ABL2: variants seen among roughly 807,000 people sequenced by gnomAD.
The protein encoded by ABL2 is ABL proto-oncogene 2, non-receptor tyrosine kinase, also known as tyrosine-protein kinase ABL2.
Under a neutral mutation model 107.7 loss-of-function variants are expected in ABL2, and 49 were observed. The ratio of observed to expected loss-of-function variants is 0.45; its 90% confidence interval spans 0.36 to 0.58. The LOEUF (loss-of-function observed/expected upper bound fraction) is 0.58, where lower values mean the gene tolerates loss of function less well. Ranked by LOEUF, ABL2 falls within the 20% of genes least tolerant of loss-of-function variation. The probability of loss-of-function intolerance (pLI) is 0.00; values close to 1 mark genes in which losing one functional copy is unlikely to be tolerated. For synonymous variants in ABL2, 549 were observed against 548.6 expected, an observed-to-expected ratio of 1.00 and a Z score of -0.01; for missense variants, 1,245 against 1,457.0, an observed-to-expected ratio of 0.85 and a Z score of 2.37.
intron 1 of ABL2, chr1:179,184,201 T>C: frequency 2.1e-6 from 1 of 478,264 alleles, no homozygotes; most frequent in Non-Finnish European, 3.9e-6. Context: ...CTGACCAAAG[T>C]TGAAGTGACA....
chr1:179,179,250 C>T (rs894607966), intron 1 of ABL2, among the ~76,000 whole-genome samples: 2 of 152,142 alleles, frequency 1.3e-5, no homozygotes, highest in African/African-American at 2.4e-5. Context: ...TCCTACCCAA[C>T]GTCCCAATCC....
intron 1 of ABL2, among the ~76,000 whole-genome samples, chr1:179,188,665 G>C (rs1211671396): frequency 6.6e-6 from 1 of 152,106 alleles, no homozygotes; most frequent in Non-Finnish European, 1.5e-5. Flanking sequence ...GTTAGCACCT[G>C]TCTCCACGCA....
At chr1:179,135,144 G>A (rs1435701423) in intron 1 of ABL2, among the ~76,000 whole-genome samples, 6 of 152,190 alleles carry the variant, frequency 3.9e-5, no homozygotes, top group Non-Finnish European at 8.8e-5. Flanking sequence ...CCTCTGCCCG[G>A]CCGCCACCCC....
rs772775818 is a variant in ABL2 at position 179,110,386 on chromosome 1, A to G, written c.1721T>C (p.Ile574Thr). 73 of 1,614,082 alleles carry G rather than the reference A, an allele frequency of 4.5e-5. 1 individual carries two copies. The South Asian group carries it at 6.7e-4, about 15-fold the overall frequency. ...CAGTGTCCGAGTCTTGGAAGGAAGT[A>G]TAGGTAGCCGGGGCAGGTATGGAAC... is the stretch of plus-strand genomic sequence containing the variant. ...SVVPYLPRLPILPSKTRTLKK... is the reference protein window; with the variant it reads ...SVVPYLPRLPTLPSKTRTLKK... The change falls in exon 11 of 12, where the codon ATA becomes ACA. Residue 574 changes from isoleucine (I) to threonine (T), a missense_variant. Ile to Thr is a moderately conservative substitution (Grantham distance 89). This residue lies in a region of ABL2 where 761 missense variants were observed against 766.4 expected (regional missense o/e 0.99). Coordinates refer to ENST00000502732, the MANE Select transcript of ABL2 (RefSeq NM_007314.4).
rs1479725725 is a variant in ABL2 at position 179,106,448 on chromosome 1, T to C, written c.*1270A>G. On this transcript the variant is annotated 3_prime_UTR_variant, in exon 12 of 12. Transcript: ENST00000502732. Reference sequence around the variant, plus strand: ...AAATGACAAAATAAATAAAGAATATTCCCAATAAGATCTGTACAAATAAGC... The same window carrying C: ...AAATGACAAAATAAATAAAGAATATCCCCAATAAGATCTGTACAAATAAGC... The C allele has an allele frequency of 4.3e-6, 1 of 232,590 alleles. No individual in the cohort carries two copies. The highest frequency in any genetic ancestry group is 8.5e-6 in the Non-Finnish European group (1 of 117,806). The allele number at this position is 232,590 out of a possible 1,614,324, so 14.4% of individuals were successfully genotyped here. A position where few individuals can be genotyped will look rare whatever the true frequency, so the allele number is the denominator to read the frequency against.
intron 10 of ABL2, 197 bp from the exon 11 acceptor site, chr1:179,110,652 G>T: frequency 1.3e-6 from 2 of 1,539,700 alleles, no homozygotes; most frequent in Non-Finnish European, 1.8e-6. Context: ...CCACGCTGCT[G>T]CATGTGGCAG....
rs2102554703 is a variant in ABL2 at position 179,100,351 on chromosome 1, A to T, written c.*7367T>A. ...ATGGTACTTCTGAACTGTGCAGAAC[A>T]GTATCTGAGGTTTACTGTTGATGAC... On this transcript the variant is annotated 3_prime_UTR_variant, in exon 12 of 12. Coordinates refer to ENST00000502732, the MANE Select transcript of ABL2 (RefSeq NM_007314.4). The T allele has an allele frequency of 4.4e-6, 1 of 228,042 alleles. No individual in the cohort carries two copies. Among genetic ancestry groups the T allele is most frequent in the African/African-American group, 2.2e-5 (1 of 45,174 alleles). 14.1% of individuals were successfully genotyped at this position (228,042 alleles called of 1,614,324 possible). A position where few individuals can be genotyped will look rare whatever the true frequency, so the allele number is the denominator to read the frequency against.
intron 1 of ABL2, among the ~76,000 whole-genome samples, chr1:179,225,430 C>T (rs572706512): frequency 5.3e-5 from 8 of 152,276 alleles, no homozygotes; most frequent in South Asian, 2.1e-4. Flanking sequence ...ACACTAGATT[C>T]GAGCACCTAC....
chr1:179,105,530 G>A lies in ABL2; in HGVS notation c.*2188C>T, dbSNP rs902269984. On this transcript the variant is annotated 3_prime_UTR_variant, in exon 12 of 12. Coordinates refer to ENST00000502732, the MANE Select transcript of ABL2 (RefSeq NM_007314.4). ...CAGGAAAGAAGGTGGGAGAAGGACC[G>A]CTGGTTTTTACATCTGAGTTCTCTT... 1.3e-5 allele frequency: 3 copies of A among 228,978 alleles called. No homozygotes were observed. The highest frequency in any genetic ancestry group is 1.8e-4 in the South Asian group (1 of 5,494). 14.2% of individuals were successfully genotyped at this position (228,978 alleles called of 1,614,324 possible).
intron 1 of ABL2, among the ~76,000 whole-genome samples, chr1:179,170,293 C>T (rs1251262276): frequency 6.6e-6 from 1 of 152,086 alleles, no homozygotes; most frequent in East Asian, 1.9e-4. Flanking sequence ...AAAAAGATCC[C>T]ACCTCCTACT....
At chr1:179,110,912 G>T in intron 10 of ABL2, 1 of 1,594,402 alleles carries the variant, frequency 6.3e-7, no homozygotes, top group South Asian at 1.1e-5. Context: ...CCCAAATAGC[G>T]ATACTATTTT....
intron 3 of ABL2, among the ~76,000 whole-genome samples, chr1:179,127,769 T>C (rs972220921): frequency 7.9e-5 from 12 of 152,198 alleles, no homozygotes; most frequent in Admixed American, 7.9e-4. Context: ...TGGTGTCTCA[T>C]GCCTGTAATC....
intron 1 of ABL2, among the ~76,000 whole-genome samples, chr1:179,140,642 A>G (rs958045654): frequency 2.0e-5 from 3 of 152,242 alleles, no homozygotes; most frequent in African/African-American, 7.2e-5. Context: ...CTATGTATAC[A>G]TCCTTACTCA....
intron 1 of ABL2, among the ~76,000 whole-genome samples, chr1:179,196,157 A>G (rs1429915002): frequency 6.6e-6 from 1 of 152,222 alleles, no homozygotes; most frequent in Non-Finnish European, 1.5e-5. Flanking sequence ...TAAGCATATC[A>G]GTCTCAATCA....
intron 1 of ABL2, among the ~76,000 whole-genome samples, chr1:179,143,988 G>A (rs145210824): frequency 6.6e-6 from 1 of 152,180 alleles, no homozygotes; most frequent in Non-Finnish European, 1.5e-5. Context: ...GAGCCACCAT[G>A]CCCAGCCTGA....
At chr1:179,150,599 G>C (rs1057308581) in intron 1 of ABL2, among the ~76,000 whole-genome samples, 4 of 152,106 alleles carry the variant, frequency 2.6e-5, no homozygotes, top group African/African-American at 9.7e-5. Flanking sequence ...CAAAGAAAGT[G>C]GTCTCATGAG....
At chr1:179,109,619 T>C (rs1282807521) in intron 11 of ABL2, among the ~76,000 whole-genome samples, 178 bp from the exon 12 acceptor site, 2 of 151,980 alleles carry the variant, frequency 1.3e-5, no homozygotes, top group South Asian at 2.1e-4. Context: ...CCAAATGTGA[T>C]GTAAGTTAAA....
At chr1:179,183,890 G>T in intron 1 of ABL2, 1 of 241,534 alleles carries the variant, frequency 4.1e-6, no homozygotes, top group South Asian at 6.0e-5. Flanking sequence ...AAGAAACCAA[G>T]ACCACCTCCT....
intron 1 of ABL2, among the ~76,000 whole-genome samples, chr1:179,224,617 A>C (rs1406826776): frequency 6.6e-6 from 1 of 152,138 alleles, no homozygotes; most frequent in Non-Finnish European, 1.5e-5. Context: ...AGGGAAGCTA[A>C]AGTAAAATCA....
Sources: gnomAD v4.1 joint callset for allele counts (sites outside exome capture counted in the v4.1 genomes callset) on GRCh38, gnomAD v4.1.1 for gene constraint, gnomAD v4.1.1 regional missense constraint, MANE v1.5 for transcripts, NCBI Gene and HGNC (gene_info 2026-07-23, HGNC 2026-07-21) for gene names.